The following PPIG variants were observed in gnomAD, a reference collection of about 807,000 sequenced individuals.
PPIG encodes peptidyl-prolyl cis-trans isomerase G.
PPIG carries 26 observed loss-of-function variants against 87.9 expected under a neutral mutation model. The observed-to-expected ratio is 0.30, with a 90% CI of 0.22 to 0.41. PPIG has a LOEUF of 0.41. Among genes scored for constraint, PPIG ranks in the 10% least tolerant of loss-of-function variants. PPIG has a pLI of 1.00. For missense variants in PPIG, 722 were observed against 879.4 expected (o/e 0.82, Z 2.26); for synonymous variants, 308 against 276.5 (o/e 1.11, Z -1.13).
rs756530497 is a variant in PPIG, at chr2:169,636,739, A to T, written c.1481A>T (p.His494Leu). Residue 494 changes from histidine (H) to leucine (L), a missense_variant, in exon 14 of 14, where the codon CAT (histidine) becomes CTT (leucine). Transcript: ENST00000260970. Reference protein sequence around the residue: ...RMRSRSKGRDHENVKEKEKQS... With the variant: ...RMRSRSKGRDLENVKEKEKQS... ...AGGTCAAGGAGTAAAGGAAGGGATC[A>T]TGAAAATGTTAAAGAAAAAGAAAAG... 1.9e-6 allele frequency: 3 copies of T among 1,612,448 alleles called. No individual in the cohort carries two copies. The highest frequency in any genetic ancestry group is 2.5e-6 in the Non-Finnish European group (3 of 1,179,724).
chr2:169,605,484 C>CA (rs976482210), intron 4 of PPIG, among the ~76,000 whole-genome samples: 3 of 151,758 alleles, frequency 2.0e-5, no homozygotes, highest in African/African-American at 7.3e-5. Flanking sequence ...GCCTGGGCGA[C>CA]AAGAGTGAGA....
intron 12 of PPIG, among the ~76,000 whole-genome samples, chr2:169,634,776 G>A (rs926021286): frequency 2.8e-4 from 43 of 152,108 alleles, no homozygotes; most frequent in African/African-American, 1.0e-3. Context: ...TGTGTTTCAA[G>A]CTTTACCCCT....
chr2:169,584,744 G>C, intron 1 of PPIG: 1 of 311,630 alleles, frequency 3.2e-6, no homozygotes, highest in Non-Finnish European at 6.2e-6. Flanking sequence ...TCCTTCCTCT[G>C]CCAGCCCCCG....
At chr2:169,617,818 C>T (rs548826773) in intron 9 of PPIG, among the ~76,000 whole-genome samples, 4 of 152,284 alleles carry the variant, frequency 2.6e-5, no homozygotes, top group Admixed American at 2.6e-4. Context: ...ATTTGACTTC[C>T]TCTCTTCCTA....
At chr2:169,593,118 C>CTG (rs1027852834) in intron 1 of PPIG, among the ~76,000 whole-genome samples, 47 of 142,484 alleles carry the variant, frequency 3.3e-4, no homozygotes, top group East Asian at 6.1e-4. Flanking sequence ...TGTTAGAAGA[C>CTG]TGTGTGTGTA....
At chr2:169,633,290 G>C in intron 12 of PPIG, 43 bp downstream of exon 12, 1 of 1,394,182 alleles carries the variant, frequency 7.2e-7, no homozygotes, top group South Asian at 1.2e-5. Context: ...TATTGCATTT[G>C]TCTTCCTTAA....
chr2:169,616,295 C>A (rs1335566994), intron 9 of PPIG, among the ~76,000 whole-genome samples: 3 of 152,080 alleles, frequency 2.0e-5, no homozygotes, highest in African/African-American at 7.2e-5. Flanking sequence ...TTGAATAGTG[C>A]TGCAGTAAAC....
chr2:169,587,299 T>C (rs1462170224), intron 1 of PPIG, among the ~76,000 whole-genome samples: 1 of 151,850 alleles, frequency 6.6e-6, no homozygotes, highest in Non-Finnish European at 1.5e-5. Flanking sequence ...TGGAGTGCAG[T>C]GGCGTGATCT....
intron 9 of PPIG, among the ~76,000 whole-genome samples, chr2:169,618,952 T>G (rs1685673314): frequency 6.6e-6 from 1 of 152,192 alleles, no homozygotes; most frequent in Non-Finnish European, 1.5e-5. Flanking sequence ...GCTTCTCTAG[T>G]TCTTTTAATT....
intron 6 of PPIG, 130 bp downstream of exon 6, chr2:169,607,278 G>T (rs906049330): frequency 2.4e-5 from 13 of 540,960 alleles, no homozygotes; most frequent in African/African-American, 2.2e-4. Context: ...TAATCTGAAG[G>T]TTAATTTTCT....
At chr2:169,610,383 C>CT (rs1434002237) in intron 7 of PPIG, among the ~76,000 whole-genome samples, 1 of 151,976 alleles carries the variant, frequency 6.6e-6, no homozygotes, top group Non-Finnish European at 1.5e-5. Flanking sequence ...TAAATTAGTT[C>CT]TTTTTTGGTT....
chr2:169,617,986 G>C (rs1422786404), intron 9 of PPIG, among the ~76,000 whole-genome samples: 2 of 151,392 alleles, frequency 1.3e-5, no homozygotes, highest in African/African-American at 4.8e-5. Context: ...ATTAGCTGTG[G>C]GTTTGTCATA....
At chr2:169,634,589 A>G (rs1034690998) in intron 12 of PPIG, among the ~76,000 whole-genome samples, 5 of 152,226 alleles carry the variant, frequency 3.3e-5, no homozygotes, top group Non-Finnish European at 5.9e-5. Flanking sequence ...TCTTTAGGTT[A>G]CTGATTTTAG....
At chr2:169,604,326 G>GATT in intron 4 of PPIG, 65 bp downstream of exon 4, 2 of 488,308 alleles carry the variant, frequency 4.1e-6, no homozygotes, top group Non-Finnish European at 3.1e-6. Flanking sequence ...TTGCTTGCTT[G>GATT]GTTTTTTTTT....
rs933799629 is a variant in PPIG at position 169,639,739 on chromosome 2, T to C, written c.*2216T>C. ...ACATTTTTAAAATGATTAAACAGCA[T>C]TAACTGTACCTCAGGATCTGCGCAT... is the stretch of plus-strand genomic sequence containing the variant. On this transcript the variant is annotated 3_prime_UTR_variant, in exon 14 of 14. Coordinates refer to ENST00000260970, the MANE Select transcript of PPIG (RefSeq NM_004792.3). The C allele has an allele frequency of 1.3e-5, 2 of 152,150 alleles. No individual in the cohort carries two copies. The highest frequency in any genetic ancestry group is 4.8e-5 in the African/African-American group (2 of 41,456). 9.4% of individuals were successfully genotyped at this position (152,150 alleles called of 1,614,324 possible).
chr2:169,622,066 A>G (rs148395043), intron 9 of PPIG, among the ~76,000 whole-genome samples: 1,531 of 152,322 alleles, frequency 0.01, 27 homozygotes, highest in African/African-American at 0.035. Context: ...TCTAAAAAAT[A>G]TATAAATAAA....
At chr2:169,624,233 T>C (rs1294758607) in intron 9 of PPIG, among the ~76,000 whole-genome samples, 1 of 152,186 alleles carries the variant, frequency 6.6e-6, no homozygotes, top group Non-Finnish European at 1.5e-5. Context: ...ACCAAAGTGC[T>C]GGGATTACAG....
intron 7 of PPIG, among the ~76,000 whole-genome samples, chr2:169,611,806 A>G (rs929796100): frequency 6.6e-6 from 1 of 152,094 alleles, no homozygotes; most frequent in African/African-American, 2.4e-5. Flanking sequence ...TACTCCTTAT[A>G]TCTTCCTATT....
chr2:169,620,433 C>G (rs886494516), intron 9 of PPIG, among the ~76,000 whole-genome samples: 12 of 151,830 alleles, frequency 7.9e-5, no homozygotes, highest in African/African-American at 2.7e-4. Flanking sequence ...TTAACTTTTT[C>G]TGATTATTAA....
Sources: gnomAD v4.1 joint callset for allele counts (sites outside exome capture counted in the v4.1 genomes callset) on GRCh38, gnomAD v4.1.1 for gene constraint, MANE v1.5 for transcripts, NCBI Gene and HGNC (gene_info 2026-07-23, HGNC 2026-07-21) for gene names.